METTL15: variants seen among roughly 807,000 people sequenced by gnomAD.
METTL15 encodes the protein methyltransferase 15, mitochondrial 12S rRNA N4-cytidine.
METTL15 carries 34 observed loss-of-function variants against 38.3 expected under a neutral mutation model. The ratio of observed to expected loss-of-function variants is 0.89; its 90% confidence interval spans 0.68 to 1.18. METTL15 has a LOEUF of 1.18. Ranked by LOEUF, METTL15 falls within the 50% of genes most tolerant of loss-of-function variation. The pLI is 0.00. For missense variants in METTL15, 438 were observed against 498.4 expected (o/e 0.88, Z 1.15); for synonymous variants, 162 against 170.9 (o/e 0.95, Z 0.41).
intron 4 of METTL15, among the ~76,000 whole-genome samples, chr11:28,243,619 A>G (rs1488001428): frequency 2.6e-5 from 4 of 152,160 alleles, no homozygotes; most frequent in African/African-American, 9.6e-5. Flanking sequence ...GTTTATTTCA[A>G]ATTAAGAGTA....
At chr11:28,145,531 G>GA (rs1216264427) in intron 3 of METTL15, 4 of 152,030 alleles carry the variant, frequency 2.6e-5, no homozygotes, top group Non-Finnish European at 5.9e-5. Context: ...AACTGGCTTT[G>GA]GCCTGTGGAA....
At chr11:28,163,633 A>G (rs1850552211) in intron 3 of METTL15, 1 of 393,624 alleles carries the variant, frequency 2.5e-6, no homozygotes, top group African/African-American at 2.1e-5. Flanking sequence ...AAATAATGTT[A>G]TCTATTTAAT....
chr11:28,447,555 T>C (rs561387411), intron 6 of METTL15, among the ~76,000 whole-genome samples: 1 of 152,308 alleles, frequency 6.6e-6, no homozygotes, highest in African/African-American at 2.4e-5. Context: ...TTTCTTTTTT[T>C]TGTGCCACAG....
In METTL15 at chr11:28,425,038, G is replaced by A. The variant is rs192750840; in HGVS notation, c.*424+674G>A. 4.9e-3 allele frequency among the ~76,000 whole-genome samples: 740 copies of A among 152,292 alleles called. 3 individuals carry two copies. Among genetic ancestry groups the A allele is most frequent in the Non-Finnish European group, 8.5e-3 (579 of 68,016 alleles). ...CACTGTTAAGTGAAAACCATTCATA[G>A]TTTTTATAAGATCATTTTCCTGCTG... On this transcript the variant is annotated intron_variant and NMD_transcript_variant, in intron 6 of 7. Transcript: ENST00000532947.
intron 4 of METTL15, among the ~76,000 whole-genome samples, chr11:28,287,009 CTA>C (rs35117728): frequency 0.29 from 43,066 of 147,598 alleles, 6,957 homozygotes; most frequent in African/African-American, 0.43. Context: ...ATTCTCCACA[CTA>C]TATATATATA....
chr11:28,327,997 T>A (rs1489189144), intron 6 of METTL15: 1 of 1,295,252 alleles, frequency 7.7e-7, no homozygotes, highest in South Asian at 1.5e-5. Context: ...TTTAAAAAAA[T>A]TATAGCAAAA....
At chr11:28,270,726 A>G (rs1289823641) in intron 4 of METTL15, among the ~76,000 whole-genome samples, 1 of 152,214 alleles carries the variant, frequency 6.6e-6, no homozygotes, top group Non-Finnish European at 1.5e-5. Flanking sequence ...GGCACATAGT[A>G]ATAACTCAAA....
intron 4 of METTL15, among the ~76,000 whole-genome samples, chr11:28,245,058 A>T (rs1225189956): frequency 2.6e-5 from 4 of 152,226 alleles, no homozygotes; most frequent in African/African-American, 9.6e-5. Context: ...GTTCAGCTAG[A>T]CAGGCAATGT....
At chr11:28,438,355 T>C (rs1851001357) in intron 6 of METTL15, among the ~76,000 whole-genome samples, 1 of 152,238 alleles carries the variant, frequency 6.6e-6, no homozygotes, top group Admixed American at 6.5e-5. Context: ...GGGCTTGTCC[T>C]TGTAGGCAGA....
At position 28,380,549 on chromosome 11, in the gene METTL15, T is replaced by C. The variant is rs567310938; in HGVS notation, c.*358+18513T>C. Among the ~76,000 whole-genome samples, 64 of 152,328 alleles carry C rather than the reference T, an allele frequency of 4.2e-4. No individual in the cohort carries two copies. In the South Asian group the frequency reaches 0.01, roughly 25 times the overall value. ...GGTTGTTTTGTAACTCATATCTTCT[T>C]TTCTTTCTTACTGTCTTCATTTGTG... is the stretch of plus-strand genomic sequence containing the variant. On this transcript the variant is annotated intron_variant and NMD_transcript_variant, in intron 5 of 7. Coordinates refer to the METTL15 transcript ENST00000532947.
intron 5 of METTL15, among the ~76,000 whole-genome samples, chr11:28,394,582 C>T (rs2133397206): frequency 6.6e-6 from 1 of 152,158 alleles, no homozygotes; most frequent in South Asian, 2.1e-4. Flanking sequence ...CGGACATTTT[C>T]AGTTCAAATC....
intron 4 of METTL15, among the ~76,000 whole-genome samples, chr11:28,237,552 C>T (rs1457120170): frequency 1.3e-5 from 2 of 152,248 alleles, no homozygotes; most frequent in African/African-American, 2.4e-5. Context: ...TTTGAATTTC[C>T]TCTTGTAGCT....
intron 4 of METTL15, among the ~76,000 whole-genome samples, chr11:28,237,858 T>C (rs1160957667): frequency 6.6e-6 from 1 of 152,334 alleles, no homozygotes; most frequent in East Asian, 1.9e-4. Context: ...TGGAGTTTGC[T>C]AGAGGTCCAC....
At chr11:28,500,076 C>G (rs999441091) in intron 6 of METTL15, among the ~76,000 whole-genome samples, 1 of 150,650 alleles carries the variant, frequency 6.6e-6, no homozygotes, top group African/African-American at 2.5e-5. Flanking sequence ...TAATCAAATA[C>G]CAAGATGAAG....
intron 5 of METTL15, among the ~76,000 whole-genome samples, chr11:28,381,822 T>G (rs1275694244): frequency 1.3e-5 from 2 of 152,178 alleles, no homozygotes; most frequent in East Asian, 3.9e-4. Context: ...GAATTCTTGG[T>G]CAGATAATTC....
intron 3 of METTL15, among the ~76,000 whole-genome samples, chr11:28,208,953 G>C (rs958162664): frequency 6.6e-6 from 1 of 151,820 alleles, no homozygotes; most frequent in South Asian, 2.1e-4. Context: ...ACATATGATG[G>C]GTTTCCCTTC....
rs1590391969 is a variant in METTL15 at position 28,488,262 on chromosome 11, C to T, written c.*425-38216C>T. Among the ~76,000 whole-genome samples the T allele has an allele frequency of 4.6e-5, 7 of 152,214 alleles. No homozygotes were observed. The South Asian group carries it at 1.5e-3, about 32-fold the overall frequency. On this transcript the variant is annotated intron_variant and NMD_transcript_variant, in intron 6 of 7. Transcript: ENST00000532947. ...TTGAGAATAGAAGTTTAAAATTAAG[C>T]ACACTTCATGAGCTAACTTACAGTA...
At chr11:28,478,450 A>G (rs770913193) in intron 6 of METTL15, among the ~76,000 whole-genome samples, 1 of 152,132 alleles carries the variant, frequency 6.6e-6, no homozygotes, top group Non-Finnish European at 1.5e-5. Context: ...TGTGGCCTCA[A>G]TCGTGGTGAT....
At chr11:28,476,976 A>G (rs1012133484) in intron 6 of METTL15, among the ~76,000 whole-genome samples, 1 of 152,174 alleles carries the variant, frequency 6.6e-6, no homozygotes, top group African/African-American at 2.4e-5. Context: ...TAAATTGAGA[A>G]TGGGGTTGAA....
Sources: gnomAD v4.1 joint callset for allele counts (sites outside exome capture counted in the v4.1 genomes callset) on GRCh38, gnomAD v4.1.1 for gene constraint, MANE v1.5 for transcripts, NCBI Gene and HGNC (gene_info 2026-07-23, HGNC 2026-07-21) for gene names.